The following DSCAML1 variants were observed in gnomAD, a reference collection of about 807,000 sequenced individuals.
DSCAML1 encodes the protein cell adhesion molecule DSCAML1.
Under a neutral mutation model 200.5 loss-of-function variants are expected in DSCAML1, and 38 were observed. The observed-to-expected ratio is 0.19, with a 90% CI of 0.15 to 0.25. The LOEUF is 0.25. Ranked by LOEUF, DSCAML1 falls within the 10% of genes least tolerant of loss-of-function variation. DSCAML1 has a pLI of 1.00. For missense variants in DSCAML1, 2,223 were observed against 2,858.8 expected (o/e 0.78, Z 5.07); for synonymous variants, 1,215 against 1,165.0 (o/e 1.04, Z -0.87).
intron 3 of DSCAML1, among the ~76,000 whole-genome samples, chr11:117,556,435 C>T (rs1285770209): frequency 6.6e-6 from 1 of 152,174 alleles, no homozygotes; most frequent in Non-Finnish European, 1.5e-5. Context: ...TTTACAGAGA[C>T]AGAGAGAAAG....
In DSCAML1 at chr11:117,771,629, C is replaced by T. The variant is rs1002871776; in HGVS notation, c.511+5162G>A. Among the ~76,000 whole-genome samples the T allele has an allele frequency of 3.3e-5, 5 of 152,278 alleles. No individual in the cohort carries two copies. The East Asian group carries it at 5.8e-4, about 18-fold the overall frequency. On this transcript the variant is annotated intron_variant, in intron 3 of 32. Coordinates refer to ENST00000651296, the MANE Select transcript of DSCAML1 (RefSeq NM_020693.4). ...TGATTCCCAGTCTGCTCCAGAGAGGCGGCGGGAAGTAGAGGAACCGGAAGA... is the reference window on the plus strand; with the variant it reads ...TGATTCCCAGTCTGCTCCAGAGAGGTGGCGGGAAGTAGAGGAACCGGAAGA...
At chr11:117,609,311 CTT>C (rs765168401) in intron 3 of DSCAML1, among the ~76,000 whole-genome samples, 5 of 60,780 alleles carry the variant, frequency 8.2e-5, no homozygotes, top group Admixed American at 1.3e-4. Flanking sequence ...TTCTTTCTTT[CTT>C]TTTTTTTTTT....
intron 3 of DSCAML1, among the ~76,000 whole-genome samples, chr11:117,652,440 A>G (rs2052652559): frequency 6.6e-6 from 1 of 152,184 alleles, no homozygotes; most frequent in Non-Finnish European, 1.5e-5. Flanking sequence ...GAATTGGGGA[A>G]GTCACTTACC....
chr11:117,518,484 C>A lies in DSCAML1; in HGVS notation c.1492G>T (p.Ala498Ser). 2 of 1,614,208 alleles carry A rather than the reference C, an allele frequency of 1.2e-6. No individual in the cohort carries two copies. Among genetic ancestry groups the A allele is most frequent in the East Asian group, 2.2e-5 (1 of 44,884 alleles). ...CAGGCACCTCTTACGTTTATTCGCG[C>A]CTGATATTCAGCACTGCCCACCAAG... ...RNLVGSAEYQ[A>S]RINVRGPPSI... The change falls in exon 7 of 33, where the codon GCG becomes TCG. Residue 498 changes from alanine (A) to serine (S), a missense_variant. Ala to Ser is a moderately conservative substitution (Grantham distance 99). This residue lies in a region of DSCAML1 where 579 missense variants were observed against 721.5 expected (regional missense o/e 0.80). Coordinates refer to ENST00000651296, the MANE Select transcript of DSCAML1 (RefSeq NM_020693.4). This position sits in a 1 kb window ranked among gnomAD's most constrained non-coding sequence, Gnocchi z 6.3.
At chr11:117,725,874 C>T (rs1288873626) in intron 3 of DSCAML1, among the ~76,000 whole-genome samples, 1 of 152,192 alleles carries the variant, frequency 6.6e-6, no homozygotes, top group Non-Finnish European at 1.5e-5. Context: ...CAGCAGGCAG[C>T]AGGTCCCAGC....
intron 3 of DSCAML1, among the ~76,000 whole-genome samples, chr11:117,657,745 T>C (rs1373374651): frequency 1.3e-5 from 2 of 152,184 alleles, no homozygotes; most frequent in African/African-American, 2.4e-5. Context: ...GAGATTTTAT[T>C]ATAGCATTAA....
chr11:117,586,032 A>G (rs1403868889), intron 3 of DSCAML1, among the ~76,000 whole-genome samples: 14 of 152,124 alleles, frequency 9.2e-5, no homozygotes. Flanking sequence ...TAAAGGCATG[A>G]GGGCCCTTGA....
rs1352531183 is a variant in DSCAML1 at position 117,810,386 on chromosome 11, ATC to A, written c.-250+7002_-250+7003del. ...CCTTATTTCCGCACCCCGACCTCTT[ATC>A]TCTGTGTCCCAATCCCTTATTTCCG... is the stretch of plus-strand genomic sequence containing the variant. On this transcript the variant is annotated intron_variant, in intron 1 of 2. Coordinates refer to the DSCAML1 transcript ENST00000525836. 6.0e-5 allele frequency among the ~76,000 whole-genome samples: 9 copies of A among 149,112 alleles called. 1 individual carries two copies. The highest frequency in any genetic ancestry group is 4.2e-4 in the South Asian group (2 of 4,760).
chr11:117,570,820 C>T (rs796277520), intron 3 of DSCAML1, among the ~76,000 whole-genome samples: 2 of 152,340 alleles, frequency 1.3e-5, no homozygotes, highest in Admixed American at 1.3e-4. Flanking sequence ...GTGGGAGGTC[C>T]AGCTAAGACA....
At chr11:117,585,595 A>G (rs1293747954) in intron 3 of DSCAML1, among the ~76,000 whole-genome samples, 2 of 152,194 alleles carry the variant, frequency 1.3e-5, no homozygotes, top group African/African-American at 4.8e-5. Flanking sequence ...TATATCTGTA[A>G]GCATGTATAA....
chr11:117,529,773 G>A (rs563972681), intron 4 of DSCAML1, among the ~76,000 whole-genome samples: 14 of 151,854 alleles, frequency 9.2e-5, no homozygotes, highest in Non-Finnish European at 1.9e-4. Context: ...TCTCTGTGGG[G>A]ACTGATCTCC....
At chr11:117,523,967 G>A (rs2049927729) in intron 5 of DSCAML1, among the ~76,000 whole-genome samples, 1 of 152,236 alleles carries the variant, frequency 6.6e-6, no homozygotes. Flanking sequence ...GACTCTTGAT[G>A]CCGGAGCTAG....
intron 16 of DSCAML1, among the ~76,000 whole-genome samples, chr11:117,466,120 G>A (rs748273306): frequency 6.6e-5 from 10 of 152,316 alleles, no homozygotes; most frequent in African/African-American, 1.7e-4. Context: ...ATTGAAAACA[G>A]GGATTCAGAG....
intron 17 of DSCAML1, 53 bp downstream of exon 17, chr11:117,464,889 G>A: frequency 6.3e-7 from 1 of 1,591,556 alleles, no homozygotes; most frequent in Non-Finnish European, 8.6e-7. Flanking sequence ...TGGCAGCCCT[G>A]GCTCTGCCCA....
intron 3 of DSCAML1, among the ~76,000 whole-genome samples, chr11:117,665,812 G>T (rs2052963117): frequency 6.6e-6 from 1 of 152,178 alleles, no homozygotes; most frequent in Admixed American, 6.5e-5. Flanking sequence ...ACAGCCCTAA[G>T]ACACTGCCAA....
intron 3 of DSCAML1, among the ~76,000 whole-genome samples, chr11:117,584,993 G>T (rs140736940): frequency 6.6e-6 from 1 of 152,298 alleles, no homozygotes; most frequent in Non-Finnish European, 1.5e-5. Flanking sequence ...TGACTTGAAG[G>T]CATCGAAAAT....
intron 11 of DSCAML1, among the ~76,000 whole-genome samples, chr11:117,490,914 C>A (rs2049169475): frequency 6.6e-6 from 1 of 152,200 alleles, no homozygotes; most frequent in South Asian, 2.1e-4. Flanking sequence ...CAGTCCAGGG[C>A]AGGCTGGGGC....
At chr11:117,576,547 G>A (rs369062318) in intron 3 of DSCAML1, among the ~76,000 whole-genome samples, 1 of 152,216 alleles carries the variant, frequency 6.6e-6, no homozygotes, top group Admixed American at 6.5e-5. Flanking sequence ...ATGAAGACAA[G>A]AATGAAGATA....
intron 3 of DSCAML1, among the ~76,000 whole-genome samples, chr11:117,718,360 T>G (rs937799630): frequency 2.6e-5 from 4 of 152,032 alleles, no homozygotes; most frequent in Admixed American, 6.5e-5. Flanking sequence ...AGCCCCCAAG[T>G]TGGGGGTGAA....
Sources: allele counts gnomAD v4.1 joint callset (sites outside exome capture counted in the v4.1 genomes callset), GRCh38; gene constraint gnomAD v4.1.1; regional missense constraint gnomAD v4.1.1; non-coding constraint Gnocchi (gnomAD v3.1); transcripts MANE v1.5; gene names NCBI Gene and HGNC (gene_info 2026-07-23, HGNC 2026-07-21).